Variants in KLHL25 observed in about 807,000 individuals in gnomAD.
KLHL25 encodes the protein kelch like family member 25.
Under a neutral mutation model 30.0 loss-of-function variants are expected in KLHL25, and 41 were observed. The observed-to-expected ratio is 1.37, with a 90% CI of 1.07 to 1.78. The LOEUF (loss-of-function observed/expected upper bound fraction) is 1.78, where lower values mean the gene tolerates loss of function less well. Among genes scored for constraint, KLHL25 ranks in the 40% most tolerant of loss-of-function variants. The pLI is 0.00. For missense variants in KLHL25, 971 were observed against 824.5 expected (o/e 1.18, Z -2.18); for synonymous variants, 399 against 355.3 (o/e 1.12, Z -1.38).
chr15:85,775,408 C>T (rs189210447), intron 1 of KLHL25, among the ~76,000 whole-genome samples: 4 of 152,264 alleles, frequency 2.6e-5, no homozygotes, highest in African/African-American at 4.8e-5. Flanking sequence ...CACGGCCACC[C>T]TGCAGGAGCT....
At chr15:85,786,543 C>A (rs76831203) in intron 1 of KLHL25, among the ~76,000 whole-genome samples, 34 of 152,242 alleles carry the variant, frequency 2.2e-4, no homozygotes, top group Non-Finnish European at 4.4e-4. Context: ...GGACCAGCTA[C>A]GGAACTCTCT....
chr15:85,790,659 C>A (rs1022538162), intron 1 of KLHL25, among the ~76,000 whole-genome samples: 1 of 152,130 alleles, frequency 6.6e-6, no homozygotes, highest in South Asian at 2.1e-4. Flanking sequence ...GCTCTTTCTG[C>A]CAACAGGTTC....
rs79198102 is a variant in KLHL25 at position 85,786,881 on chromosome 15, T to C, written c.-11+7885A>G. On this transcript the variant is annotated intron_variant, in intron 1 of 2. Coordinates refer to ENST00000337975, the MANE Select transcript of KLHL25 (RefSeq NM_022480.4). The stretch of plus-strand genomic sequence containing the variant: ...TCAGCATAAAATGAACTTTCAGGAA[T>C]GTTTTCCCATGCAAAAAATACAGCA... Among the ~76,000 whole-genome samples the C allele has an allele frequency of 8.2e-3, 1,243 of 152,270 alleles. 19 individuals are homozygous for C. Among genetic ancestry groups the C allele is most frequent in the African/African-American group, 0.028 (1,181 of 41,544 alleles).
intron 1 of KLHL25, among the ~76,000 whole-genome samples, chr15:85,785,872 T>G (rs1261683503): frequency 6.6e-6 from 1 of 152,162 alleles, no homozygotes; most frequent in Non-Finnish European, 1.5e-5. Context: ...AAAAGAAACC[T>G]GGTGATTCGA....
chr15:85,793,954 T>C (rs1189133224), intron 1 of KLHL25, among the ~76,000 whole-genome samples: 1 of 152,190 alleles, frequency 6.6e-6, no homozygotes, highest in Non-Finnish European at 1.5e-5. Context: ...GAATGCACTT[T>C]GGGGGCTTAG....
rs749201508 is a variant in KLHL25, at chr15:85,769,382, G to A, written c.429C>T (p.Asn143=). The A allele has an allele frequency of 6.2e-7, 1 of 1,614,164 alleles. No individual in the cohort carries two copies. ...TGCCCAGGCAGTTGGAGGGGAAAAG[G>A]TTCTTCTCCAGGAACTCGGCGGCAG... ...RDAAAEFLEK[N]LFPSNCLGMM... The change falls in exon 2 of 3, where the codon AAC becomes AAT. Residue 143 remains asparagine, a synonymous_variant. Transcript: ENST00000337975.
intron 1 of KLHL25, among the ~76,000 whole-genome samples, chr15:85,790,605 A>G (rs1277658556): frequency 1.3e-5 from 2 of 152,212 alleles, no homozygotes; most frequent in East Asian, 3.8e-4. Flanking sequence ...GTAGTCACAC[A>G]GGCAAGCTGG....
chr15:85,765,149 G>C (rs1311811534), intron 2 of KLHL25, among the ~76,000 whole-genome samples: 9 of 152,196 alleles, frequency 5.9e-5, no homozygotes, highest in Non-Finnish European at 1.3e-4. Flanking sequence ...ACACTGCCCA[G>C]CCCGGCTGGC....
intron 2 of KLHL25, among the ~76,000 whole-genome samples, chr15:85,764,985 G>A (rs572486195): frequency 1.3e-5 from 2 of 152,320 alleles, no homozygotes; most frequent in East Asian, 3.9e-4. Context: ...AGCAATTCCT[G>A]GGAGAGTACA....
At position 85,769,339 on chromosome 15, in the gene KLHL25, C is replaced by T. The variant is rs372508532; in HGVS notation, c.472G>A (p.Ala158Thr). Residue 158 changes from alanine to threonine, a missense_variant, in exon 2 of 3, where the codon GCC becomes ACC. By Grantham distance (58) the Ala-to-Thr change is moderately conservative. Transcript: ENST00000337975. Reference sequence around the variant, plus strand: ...TCATACAGCCGGCGGCACTGGTGGGCGTCCGAGAGCAGCATCATGCCCAGG... The same window carrying T: ...TCATACAGCCGGCGGCACTGGTGGGTGTCCGAGAGCAGCATCATGCCCAGG... The part of the protein sequence containing the change: ...NCLGMMLLSD[A>T]HQCRRLYEFS... 2.0e-5 allele frequency: 32 copies of T among 1,613,982 alleles called. No individual in the cohort carries two copies. The highest frequency in any genetic ancestry group is 1.8e-4 in the East Asian group (8 of 44,892).
chr15:85,790,602 C>T (rs2089810254), intron 1 of KLHL25, among the ~76,000 whole-genome samples: 2 of 152,170 alleles, frequency 1.3e-5, no homozygotes, highest in South Asian at 4.1e-4. Context: ...CATGTAGTCA[C>T]ACAGGCAAGC....
At chr15:85,772,887 C>T (rs2089686539) in intron 1 of KLHL25, among the ~76,000 whole-genome samples, 1 of 152,254 alleles carries the variant, frequency 6.6e-6, no homozygotes, top group African/African-American at 2.4e-5. Context: ...CAGGTTCCCA[C>T]CCCCTAGACA....
chr15:85,779,792 T>C (rs1249194872), intron 1 of KLHL25, among the ~76,000 whole-genome samples: 1 of 152,248 alleles, frequency 6.6e-6, no homozygotes, highest in Non-Finnish European at 1.5e-5. Flanking sequence ...AGTGTCTTTG[T>C]GGTTGTCAAC....
At chr15:85,777,926 G>A (rs140025089) in intron 1 of KLHL25, among the ~76,000 whole-genome samples, 2 of 152,222 alleles carry the variant, frequency 1.3e-5, no homozygotes, top group African/African-American at 2.4e-5. Flanking sequence ...CTGATACTGT[G>A]CTAGGCATTT....
At position 85,768,904 on chromosome 15, in the gene KLHL25, G is replaced by A; in HGVS notation, c.907C>T (p.Gln303Ter). The A allele has an allele frequency of 6.2e-7, 1 of 1,613,362 alleles. No homozygotes were observed. Among genetic ancestry groups the A allele is most frequent in the Non-Finnish European group, 8.5e-7 (1 of 1,180,044 alleles). ...TAGATCTTGTCACACATGAAGGTCTGGCCCCCCAGGATGAGTAGCGTGTGG... is the reference window on the plus strand; with the variant it reads ...TAGATCTTGTCACACATGAAGGTCTAGCCCCCCAGGATGAGTAGCGTGTGG... ...AGHTLLILGG[Q>*]TFMCDKIYQV... The change falls in exon 2 of 3, where the codon CAG becomes TAG. Residue 303 changes from glutamine to a stop codon, truncating the protein, a stop_gained. Transcript: ENST00000337975. LOFTEE classifies it high-confidence loss of function.
At chr15:85,788,094 T>C (rs1038769245) in intron 1 of KLHL25, among the ~76,000 whole-genome samples, 15 of 146,088 alleles carry the variant, frequency 1.0e-4, no homozygotes, top group Non-Finnish European at 2.0e-4. Flanking sequence ...TCCATTGATA[T>C]ATTATTTAAA....
Position 85,768,056 on chromosome 15 carries a change from C to A in KLHL25, c.1755G>T (p.Lys585Asn), listed in dbSNP as rs1458928857. ...CAGGTGCTCCTCACGCGGGCAGGTG[C>A]TTCCAGGTGCTGACAAAGGCCGTGG... ...LIPTAFVSTW[K>N]HLPA is the part of the protein sequence containing the mutation. Residue 585 changes from lysine to asparagine, a missense_variant, in exon 2 of 3, where the codon AAG becomes AAT. By Grantham distance (94) the Lys-to-Asn change is moderately conservative. Coordinates refer to ENST00000337975, the MANE Select transcript of KLHL25 (RefSeq NM_022480.4). The A allele has an allele frequency of 2.5e-6, 4 of 1,610,888 alleles. No homozygotes were observed. Among genetic ancestry groups the A allele is most frequent in the Non-Finnish European group, 2.5e-6 (3 of 1,177,512 alleles).
At chr15:85,763,058 T>G (rs1483046614) in intron 2 of KLHL25, 7 of 151,982 alleles carry the variant, frequency 4.6e-5, no homozygotes, top group African/African-American at 1.7e-4. Flanking sequence ...GAAAGAAGGG[T>G]TGGGAGTCTG....
chr15:85,774,347 C>T (rs1251254124), intron 1 of KLHL25, among the ~76,000 whole-genome samples: 3 of 152,188 alleles, frequency 2.0e-5, no homozygotes, highest in African/African-American at 7.2e-5. Context: ...GTGGATCCAC[C>T]TTGGACATCG....
Sources: allele counts gnomAD v4.1 joint callset (sites outside exome capture counted in the v4.1 genomes callset), GRCh38; gene constraint gnomAD v4.1.1; transcripts MANE v1.5; gene names NCBI Gene and HGNC (gene_info 2026-07-23, HGNC 2026-07-21).